Variants in ANKRD31 observed in about 807,000 individuals in gnomAD.
ANKRD31 encodes ankyrin repeat domain 31.
In ANKRD31, 147 loss-of-function variants were observed where a neutral mutation model predicts 186.0. That is an observed-to-expected ratio of 0.79 (90% CI 0.69 to 0.91). The LOEUF (loss-of-function observed/expected upper bound fraction) is 0.91. Among genes scored for constraint, ANKRD31 ranks in the 40% least tolerant of loss-of-function variants. The probability of loss-of-function intolerance (pLI) is 0.00; values close to 1 mark genes in which losing one functional copy is unlikely to be tolerated. For missense variants in ANKRD31, 1,986 were observed against 2,148.8 expected, an observed-to-expected ratio of 0.92 and a Z score of 1.50; for synonymous variants, 673 against 736.4, an observed-to-expected ratio of 0.91 and a Z score of 1.39.
chr5:75,186,858 C>G (rs909209115), intron 10 of ANKRD31, among the ~76,000 whole-genome samples: 1 of 151,892 alleles, frequency 6.6e-6, no homozygotes, highest in South Asian at 2.1e-4. Context: ...TTAAATTGTA[C>G]CACAAAATAA....
At chr5:75,231,097 G>A (rs188054790) in intron 1 of ANKRD31, among the ~76,000 whole-genome samples, 2 of 151,982 alleles carry the variant, frequency 1.3e-5, no homozygotes, top group East Asian at 3.9e-4. Flanking sequence ...TTTATTTTGA[G>A]ACACAGTCTC....
chr5:75,169,127 A>G lies in ANKRD31; in HGVS notation c.1565-6T>C. The stretch of plus-strand genomic sequence containing the variant: ...TTCATGAAGTGCTGTCCAACCTATC[A>G]TACAAAAAGATACGGCATTTGTTTA... On this transcript the variant is annotated splice_region_variant and splice_polypyrimidine_tract_variant and intron_variant, in intron 10 of 25. Transcript: ENST00000506364. 1 of 1,532,330 alleles carries G rather than the reference A, an allele frequency of 6.5e-7. No individual in the cohort carries two copies. The highest frequency in any genetic ancestry group is 2.5e-5 in the East Asian group (1 of 40,740). 94.9% of individuals were successfully genotyped at this position (1,532,330 alleles called of 1,614,324 possible). A position where few individuals can be genotyped will look rare whatever the true frequency, so the allele number is the denominator to read the frequency against.
rs1390826447 is a variant in ANKRD31 at position 75,128,991 on chromosome 5, TC to T, written c.3876+8864del. 3.3e-5 allele frequency among the ~76,000 whole-genome samples: 5 copies of T among 152,268 alleles called. No homozygotes were observed. The East Asian group carries it at 7.7e-4, about 23-fold the overall frequency. On this transcript the variant is annotated intron_variant, in intron 17 of 25. Coordinates refer to ENST00000506364, the MANE Select transcript of ANKRD31 (RefSeq NM_001372053.1). ...GCTTCTAACATGGTTTGGCTTTGAG[TC>T]CCCACTCAAATCTCATGTTGAATTG...
chr5:75,082,900 C>A (rs1163133532), intron 24 of ANKRD31, among the ~76,000 whole-genome samples: 1 of 152,196 alleles, frequency 6.6e-6, no homozygotes, highest in African/African-American at 2.4e-5. Context: ...AACCCTTGTA[C>A]ATTCCTGCTG....
chr5:75,146,366 T>G lies in ANKRD31; in HGVS notation c.3045A>C (p.Thr1015=), dbSNP rs1304292204. The G allele has an allele frequency of 6.5e-7, 1 of 1,536,488 alleles. No individual in the cohort carries two copies. Among genetic ancestry groups the G allele is most frequent in the East Asian group, 2.4e-5 (1 of 40,890 alleles). ...ACTTTGAAGCCTCATGTGTCAAAAG[T>G]GTTCTCATACAAGCCAGGGAATTTT... ...PEQNSLACMR[T]LLTHEASKLT... Residue 1015 remains threonine, a synonymous_variant, in exon 14 of 26, where the codon ACA becomes ACC. Transcript: ENST00000506364.
chr5:75,085,008 A>C (rs943842205), intron 23 of ANKRD31, among the ~76,000 whole-genome samples: 3 of 152,114 alleles, frequency 2.0e-5, no homozygotes, highest in Non-Finnish European at 4.4e-5. Flanking sequence ...TCTGGGCCCA[A>C]GGGTCTTTGG....
intron 11 of ANKRD31, among the ~76,000 whole-genome samples, chr5:75,155,891 C>T (rs573662174): frequency 6.7e-6 from 1 of 148,676 alleles, no homozygotes; most frequent in African/African-American, 2.5e-5. Context: ...AAATGATTAT[C>T]ACAAATTTAC....
intron 10 of ANKRD31, among the ~76,000 whole-genome samples, chr5:75,180,993 G>T (rs1754241647): frequency 6.6e-6 from 1 of 150,808 alleles, no homozygotes; most frequent in African/African-American, 2.4e-5. Context: ...TCTGACAAAG[G>T]GCTAATATCC....
Position 75,130,260 on chromosome 5 carries a change from A to G in ANKRD31, c.3876+7596T>C, listed in dbSNP as rs144326559. Among the ~76,000 whole-genome samples the G allele has an allele frequency of 1.2e-3, 176 of 152,284 alleles. 2 individuals carry two copies. The East Asian group carries it at 0.016, about 14-fold the overall frequency. On this transcript the variant is annotated intron_variant, in intron 17 of 25. Coordinates refer to ENST00000506364, the MANE Select transcript of ANKRD31 (RefSeq NM_001372053.1). ...AAGAGTGAAGCTGCAGACCTTCACC[A>G]TGAGTGTTACAGCTCATTAAGGTAG...
intron 19 of ANKRD31, among the ~76,000 whole-genome samples, chr5:75,115,485 G>A (rs1403503902): frequency 7.2e-4 from 109 of 151,176 alleles, no homozygotes; most frequent in African/African-American, 2.5e-3. Context: ...TACAAAATGG[G>A]AGAAAATTTT....
intron 25 of ANKRD31, among the ~76,000 whole-genome samples, chr5:75,071,912 G>T (rs1744266285): frequency 1.3e-5 from 2 of 152,164 alleles, no homozygotes; most frequent in Non-Finnish European, 2.9e-5. Context: ...GAGCAGGGAG[G>T]CCTCTAGCTA....
At chr5:75,077,796 G>A (rs1744771258) in intron 25 of ANKRD31, among the ~76,000 whole-genome samples, 1 of 151,918 alleles carries the variant, frequency 6.6e-6, no homozygotes, top group Admixed American at 6.6e-5. Context: ...GTGGTGGCAG[G>A]TGCCTGTAGT....
chr5:75,129,593 C>T (rs1371971568), intron 17 of ANKRD31, among the ~76,000 whole-genome samples: 1 of 152,118 alleles, frequency 6.6e-6, no homozygotes, highest in Non-Finnish European at 1.5e-5. Flanking sequence ...ATGAAGGATC[C>T]AAGGAATTTT....
intron 15 of ANKRD31, among the ~76,000 whole-genome samples, chr5:75,141,934 A>G (rs553815154): frequency 6.6e-6 from 1 of 152,276 alleles, no homozygotes; most frequent in South Asian, 2.1e-4. Flanking sequence ...AAACTTCTCA[A>G]TGTTACTAAC....
intron 10 of ANKRD31, among the ~76,000 whole-genome samples, chr5:75,177,138 G>A (rs1408232930): frequency 6.6e-6 from 1 of 152,130 alleles, no homozygotes; most frequent in African/African-American, 2.4e-5. Flanking sequence ...TATCAGCGAT[G>A]GAAGACGAAA....
At chr5:75,069,008 T>C (rs2149990938) in intron 25 of ANKRD31, among the ~76,000 whole-genome samples, 1 of 152,318 alleles carries the variant, frequency 6.6e-6, no homozygotes, top group South Asian at 2.1e-4. Flanking sequence ...TGTGAAATTC[T>C]TAGCATACCG....
At position 75,146,286 on chromosome 5, in the gene ANKRD31, G is replaced by C; in HGVS notation, c.3125C>G (p.Pro1042Arg). ...KKPQDYIPRA[P>R]TFLMNQTDTH... ...ATCTGTTTGATTCATTAAAAAAGTT[G>C]GTGCTCTGGGAATATAATCCTGTGG... Residue 1042 changes from proline (P) to arginine (R), a missense_variant, in exon 14 of 26, where the codon CCA becomes CGA. Coordinates refer to ENST00000506364, the MANE Select transcript of ANKRD31 (RefSeq NM_001372053.1). 3 of 1,536,432 alleles carry C rather than the reference G, an allele frequency of 2.0e-6. No individual in the cohort carries two copies. The highest frequency in any genetic ancestry group is 2.6e-6 in the Non-Finnish European group (3 of 1,146,452).
chr5:75,168,452 TA>T (rs1306738503), intron 11 of ANKRD31, among the ~76,000 whole-genome samples: 1 of 152,210 alleles, frequency 6.6e-6, no homozygotes, highest in Admixed American at 6.5e-5. Context: ...CTAGAATTCA[TA>T]ATCTTAATGT....
chr5:75,228,429 G>A (rs1191367098), intron 2 of ANKRD31, among the ~76,000 whole-genome samples: 2 of 152,138 alleles, frequency 1.3e-5, no homozygotes, highest in Non-Finnish European at 1.5e-5. Context: ...AGAAATAAAT[G>A]AGTCTAAAAA....
Sources: allele counts gnomAD v4.1 joint callset (sites outside exome capture counted in the v4.1 genomes callset), GRCh38; gene constraint gnomAD v4.1.1; transcripts MANE v1.5; gene names NCBI Gene and HGNC (gene_info 2026-07-23, HGNC 2026-07-21).